ZFHX3: variants seen among roughly 807,000 people sequenced by gnomAD.
ZFHX3 encodes the protein zinc finger homeobox 3.
In ZFHX3, 42 loss-of-function variants were observed where a neutral mutation model predicts 279.1. The ratio of observed to expected loss-of-function variants is 0.15; its 90% CI spans 0.12 to 0.19. ZFHX3 has a LOEUF of 0.19. Among genes scored for constraint, ZFHX3 ranks in the 10% least tolerant of loss-of-function variants. The probability of loss-of-function intolerance (pLI) is 1.00; values close to 1 mark genes in which losing one functional copy is unlikely to be tolerated. For missense variants in ZFHX3, 4,981 were observed against 4,754.0 expected, an observed-to-expected ratio of 1.05 and a Z score of -1.40; for synonymous variants, 2,293 against 1,957.8, an observed-to-expected ratio of 1.17 and a Z score of -4.52.
At chr16:73,416,742 C>A (rs184106068) in intron 3 of ZFHX3, among the ~76,000 whole-genome samples, 3 of 148,436 alleles carry the variant, frequency 2.0e-5, no homozygotes, top group South Asian at 2.2e-4. Flanking sequence ...GGTGCGGTGG[C>A]GGGCGCCTGT....
upstream of ZFHX3, among the ~76,000 whole-genome samples, chr16:73,050,948 G>T (rs1965436953): frequency 6.6e-6 from 1 of 152,214 alleles, no homozygotes; most frequent in East Asian, 1.9e-4. Flanking sequence ...GCCCCCTAAC[G>T]CTGAGCTGGC....
At chr16:73,194,284 C>T (rs1307778128) in intron 5 of ZFHX3, among the ~76,000 whole-genome samples, 4 of 152,266 alleles carry the variant, frequency 2.6e-5, no homozygotes, top group East Asian at 3.9e-4. Context: ...ACTGCAGCCT[C>T]GACCTCCCAG....
chr16:72,987,730 G>C (rs1243913349), intron 1 of ZFHX3, among the ~76,000 whole-genome samples: 1 of 152,182 alleles, frequency 6.6e-6, no homozygotes, highest in African/African-American at 2.4e-5. Context: ...ACCACAGCAT[G>C]GCTGGAAGGG....
At chr16:73,719,351 G>C (rs549441625) in intron 1 of ZFHX3, among the ~76,000 whole-genome samples, 1 of 152,184 alleles carries the variant, frequency 6.6e-6, no homozygotes, top group South Asian at 2.1e-4. Context: ...CATTATGTCA[G>C]GTGGCACCTG....
intron 5 of ZFHX3, among the ~76,000 whole-genome samples, chr16:73,215,602 G>C (rs1369982524): frequency 6.6e-6 from 1 of 152,136 alleles, no homozygotes; most frequent in East Asian, 1.9e-4. Context: ...TCAATGGATT[G>C]TTTCCTTCTG....
intron 4 of ZFHX3, among the ~76,000 whole-genome samples, chr16:72,878,924 C>T (rs936342505): frequency 6.6e-6 from 1 of 152,232 alleles, no homozygotes; most frequent in Non-Finnish European, 1.5e-5. Context: ...GCAATGGGAA[C>T]CTAGCGACAT....
chr16:73,356,416 A>T (rs1041499376), intron 3 of ZFHX3, among the ~76,000 whole-genome samples: 3 of 152,034 alleles, frequency 2.0e-5, no homozygotes, highest in African/African-American at 7.2e-5. Context: ...ACCTAGAGCA[A>T]GACGGTGATG....
intron 4 of ZFHX3, among the ~76,000 whole-genome samples, chr16:72,851,711 C>T (rs2037621840): frequency 6.6e-6 from 1 of 151,980 alleles, no homozygotes; most frequent in African/African-American, 2.4e-5. Context: ...CCTACCACCA[C>T]GGCTAATTTT....
In ZFHX3 at chr16:72,794,687, A is replaced by G. The variant is rs182847506; in HGVS notation, c.7995T>C (p.Asn2665=). ...TGTGATCCAACATCTTTCGAGTCGG[A>G]TTGGAATCCAGTAGATACTTCTGGT... ...ILYQKYLLDS[N]PTRKMLDHIA... Residue 2665 remains asparagine (N), a synonymous_variant, in exon 9 of 10, where the codon AAT becomes AAC. Coordinates refer to ENST00000268489, the MANE Select transcript of ZFHX3 (RefSeq NM_006885.4). This position sits in a 1 kb window ranked among gnomAD's most constrained non-coding sequence, Gnocchi z 4.2. 5 of 1,614,202 alleles carry G rather than the reference A, an allele frequency of 3.1e-6. No individual in the cohort carries two copies. In the East Asian group the frequency reaches 8.9e-5, roughly 29 times the overall value.
intron 1 of ZFHX3, among the ~76,000 whole-genome samples, chr16:73,696,243 C>T (rs911132312): frequency 6.6e-6 from 1 of 152,188 alleles, no homozygotes; most frequent in Non-Finnish European, 1.5e-5. Context: ...ACGAACAAGT[C>T]AGGCAGAGAG....
intron 2 of ZFHX3, among the ~76,000 whole-genome samples, chr16:73,459,981 C>A (rs1159335172): frequency 6.6e-6 from 1 of 152,124 alleles, no homozygotes; most frequent in Non-Finnish European, 1.5e-5. Flanking sequence ...CAAGGCCTAA[C>A]CATATCACCT....
At chr16:73,504,122 T>C (rs1320412865) in intron 2 of ZFHX3, 1 of 152,100 alleles carries the variant, frequency 6.6e-6, no homozygotes, top group East Asian at 1.9e-4. Context: ...ACTACCGCCA[T>C]TTCTCTCTTT....
chr16:73,845,041 CTCT>C (rs1407456665), intron 1 of ZFHX3, among the ~76,000 whole-genome samples: 2 of 151,880 alleles, frequency 1.3e-5, no homozygotes, highest in Non-Finnish European at 2.9e-5. Flanking sequence ...GTAGGAGCTC[CTCT>C]TTTTTATAAG....
chr16:73,755,669 C>G (rs180738129), intron 1 of ZFHX3, among the ~76,000 whole-genome samples: 2 of 152,304 alleles, frequency 1.3e-5, no homozygotes, highest in Admixed American at 6.5e-5. Flanking sequence ...TCGGCCCAAG[C>G]CTCTGACTTC....
Position 73,118,926 on chromosome 16 carries a change from C to A in ZFHX3, c.-897+12042G>T, listed in dbSNP as rs557095783. Among the ~76,000 whole-genome samples the A allele has an allele frequency of 7.2e-5, 11 of 152,220 alleles. No individual in the cohort carries two copies. In the East Asian group the frequency reaches 2.1e-3, roughly 29 times the overall value. ...ATTACATCCCCATGCAGCCCATGGACTTTGTAGCTTATTCCAGCTGAGAGC... is the reference window on the plus strand; with the variant it reads ...ATTACATCCCCATGCAGCCCATGGAATTTGTAGCTTATTCCAGCTGAGAGC... On this transcript the variant is annotated intron_variant, in intron 7 of 17. Coordinates refer to the ZFHX3 transcript ENST00000641206.
intron 1 of ZFHX3, among the ~76,000 whole-genome samples, chr16:72,974,826 C>T (rs1001595891): frequency 6.6e-6 from 1 of 152,138 alleles, no homozygotes; most frequent in African/African-American, 2.4e-5. Context: ...TCGAGAGACC[C>T]CTTTGGGATG....
At chr16:72,867,907 T>C (rs2038060822) in intron 4 of ZFHX3, among the ~76,000 whole-genome samples, 2 of 152,024 alleles carry the variant, frequency 1.3e-5, no homozygotes, top group Non-Finnish European at 2.9e-5. Flanking sequence ...ATGGTGACAA[T>C]ATCAAGAGCC....
chr16:73,779,743 G>C (rs1483331486), intron 1 of ZFHX3, among the ~76,000 whole-genome samples: 3 of 152,010 alleles, frequency 2.0e-5, no homozygotes, highest in Non-Finnish European at 2.9e-5. Flanking sequence ...TTTTGAGAAA[G>C]AGTCTCGTTC....
chr16:73,129,568 C>T (rs567241018), intron 7 of ZFHX3, among the ~76,000 whole-genome samples: 68 of 151,962 alleles, frequency 4.5e-4, no homozygotes, highest in African/African-American at 1.6e-3. Context: ...AAATGCATTC[C>T]GTTTACTGAT....
Sources: gnomAD v4.1 joint callset for allele counts (sites outside exome capture counted in the v4.1 genomes callset) on GRCh38, gnomAD v4.1.1 for gene constraint, Gnocchi (gnomAD v3.1) non-coding constraint, MANE v1.5 for transcripts, NCBI Gene and HGNC (gene_info 2026-07-23, HGNC 2026-07-21) for gene names.